PAIP2: variants seen among roughly 807,000 people sequenced by gnomAD.
PAIP2 encodes the protein poly(A) binding protein interacting protein 2.
PAIP2 carries 7 observed loss-of-function variants against 14.8 expected under a neutral mutation model. The observed-to-expected ratio is 0.47, with a 90% CI of 0.27 to 0.89. PAIP2 has a LOEUF of 0.89. Ranked by LOEUF, PAIP2 falls within the 40% of genes least tolerant of loss-of-function variation. The probability of loss-of-function intolerance (pLI) is 0.13; values close to 1 mark genes in which losing one functional copy is unlikely to be tolerated. For missense variants in PAIP2, 122 were observed against 154.7 expected (o/e 0.79, Z 1.12); for synonymous variants, 47 against 45.3 (o/e 1.04, Z -0.15).
chr5:139,358,273 C>T (rs1478502071), intron 1 of PAIP2, among the ~76,000 whole-genome samples: 1 of 152,198 alleles, frequency 6.6e-6, no homozygotes, highest in Non-Finnish European at 1.5e-5. Context: ...CCTACATCCA[C>T]AGGACTTGTG....
intron 1 of PAIP2, among the ~76,000 whole-genome samples, chr5:139,355,720 G>A (rs1189326496): frequency 1.3e-5 from 2 of 152,034 alleles, no homozygotes; most frequent in Non-Finnish European, 2.9e-5. Context: ...AATTGGGTGT[G>A]GTGGCGGGCG....
intron 1 of PAIP2, among the ~76,000 whole-genome samples, chr5:139,349,398 A>C (rs962364418): frequency 2.6e-5 from 4 of 151,994 alleles, no homozygotes; most frequent in Non-Finnish European, 5.9e-5. Context: ...ACAAGCTCAC[A>C]CCACCATGCC....
chr5:139,363,863 G>C lies in PAIP2; in HGVS notation c.79G>C (p.Asp27His), dbSNP rs1757144191. 1 of 1,613,510 alleles carries C rather than the reference G, an allele frequency of 6.2e-7. No individual in the cohort carries two copies. The highest frequency in any genetic ancestry group is 8.5e-7 in the Non-Finnish European group (1 of 1,179,408). ...DVIINGHSHE[D>H]DNPFAEYMWM... ...GATTATTAACGGTCATTCTCATGAA[G>C]ATGACAATCCATTTGCAGAGTACAT... Residue 27 changes from aspartate to histidine, a missense_variant, in exon 2 of 4, where the codon GAT becomes CAT. Transcript: ENST00000265192.
At chr5:139,344,847 A>G (rs557368153) in intron 1 of PAIP2, among the ~76,000 whole-genome samples, 1 of 152,152 alleles carries the variant, frequency 6.6e-6, no homozygotes, top group Admixed American at 6.6e-5. Context: ...CCCTTGGTCT[A>G]GAGACCTTTA....
At chr5:139,362,163 TTTTCATCA>T (rs1227892950) in intron 1 of PAIP2, among the ~76,000 whole-genome samples, 3 of 152,158 alleles carry the variant, frequency 2.0e-5, no homozygotes, top group African/African-American at 7.2e-5. Context: ...TTGAATTTGC[TTTTCATCA>T]TTTCATCACT....
chr5:139,360,420 T>TTATC (rs1316227268), intron 1 of PAIP2, among the ~76,000 whole-genome samples: 1 of 152,182 alleles, frequency 6.6e-6, no homozygotes, highest in Non-Finnish European at 1.5e-5. Context: ...ACAAATCATA[T>TTATC]TATCATATTT....
At chr5:139,342,180 G>A (rs1756399066) in intron 1 of PAIP2, among the ~76,000 whole-genome samples, 200 bp downstream of exon 1, 1 of 152,084 alleles carries the variant, frequency 6.6e-6, no homozygotes, top group African/African-American at 2.4e-5. Flanking sequence ...TCCGAGACAT[G>A]GCCGTCGCTT....
rs535582694 is a variant in PAIP2, at chr5:139,364,781, A to C, written c.318+38A>C. On this transcript the variant is annotated intron_variant, in intron 3 of 3. Transcript: ENST00000265192. ...TTTTCATCTTTTTAAAACCTAGTGCATCTTTTGCATAAGTGGAAAAGCCAG... is the reference window on the plus strand; with the variant it reads ...TTTTCATCTTTTTAAAACCTAGTGCCTCTTTTGCATAAGTGGAAAAGCCAG... 63 of 1,353,658 alleles carry C rather than the reference A, an allele frequency of 4.7e-5. No individual in the cohort carries two copies. In the Admixed American group the frequency reaches 9.9e-4, roughly 21 times the overall value. The allele number at this position is 1,353,658 out of a possible 1,614,324, so 83.9% of individuals were successfully genotyped here.
chr5:139,343,569 C>T (rs914175015), intron 1 of PAIP2, among the ~76,000 whole-genome samples: 7 of 152,160 alleles, frequency 4.6e-5, no homozygotes, highest in African/African-American at 1.4e-4. Context: ...TTGGTTGATA[C>T]TGTGGGAGAT....
intron 1 of PAIP2, among the ~76,000 whole-genome samples, chr5:139,352,976 C>T (rs966106987): frequency 4.6e-5 from 7 of 151,568 alleles, no homozygotes; most frequent in Admixed American, 1.3e-4. Flanking sequence ...GTTAGCCGGG[C>T]GTGGTGGAGC....
chr5:139,363,014 G>A (rs890740847), intron 1 of PAIP2, among the ~76,000 whole-genome samples: 2 of 152,096 alleles, frequency 1.3e-5, no homozygotes, highest in African/African-American at 2.4e-5. Flanking sequence ...GCCAAGGCAG[G>A]CAGATCATCT....
Position 139,368,736 on chromosome 5 carries a change from A to C in PAIP2, c.322A>C (p.Lys108Gln). The change falls in exon 4 of 4, where the codon AAG (lysine) becomes CAG (glutamine). Residue 108 changes from lysine to glutamine, a missense_variant. By Grantham distance (53) the Lys-to-Gln change is moderately conservative. Coordinates refer to ENST00000265192, the MANE Select transcript of PAIP2 (RefSeq NM_016480.5). Reference protein sequence around the residue: ...DGSSLEDLVVKSNLNPNAKEF... With the variant: ...DGSSLEDLVVQSNLNPNAKEF... ...TTTTTATGTACTTATTTTCCAGGTC[A>C]AGAGCAATCTGAATCCAAATGCAAA... is the stretch of plus-strand genomic sequence containing the variant. The C allele has an allele frequency of 6.2e-7, 1 of 1,612,376 alleles. No individual in the cohort carries two copies. Among genetic ancestry groups the C allele is most frequent in the Non-Finnish European group, 8.5e-7 (1 of 1,178,570 alleles).
chr5:139,342,030 G>A (rs1353770057), intron 1 of PAIP2, 50 bp downstream of exon 1: 1 of 152,692 alleles, frequency 6.5e-6, no homozygotes, highest in Non-Finnish European at 1.5e-5. Context: ...GAGGTCGAGG[G>A]ACAGCAAGTC....
At chr5:139,342,623 G>A (rs1203200119) in intron 1 of PAIP2, 1 of 152,156 alleles carries the variant, frequency 6.6e-6, no homozygotes, top group African/African-American at 2.4e-5. Flanking sequence ...TGGGGTACTG[G>A]GAACCCTTAC....
chr5:139,363,829 T>G lies in PAIP2; in HGVS notation c.45T>G (p.Asn15Lys), dbSNP rs763200663. 5.6e-6 allele frequency: 9 copies of G among 1,614,094 alleles called. No individual in the cohort carries two copies. The South Asian group carries it at 8.8e-5, about 16-fold the overall frequency. Residue 15 changes from asparagine (N) to lysine (K), a missense_variant, in exon 2 of 4, where the codon AAT becomes AAG. Coordinates refer to ENST00000265192, the MANE Select transcript of PAIP2 (RefSeq NM_016480.5). ...SRSSTSPSII[N>K]EDVIINGHSH... Reference sequence around the variant, plus strand: ...GCAGTACTAGCCCAAGCATCATCAATGAAGATGTGATTATTAACGGTCATT... The same window carrying G: ...GCAGTACTAGCCCAAGCATCATCAAGGAAGATGTGATTATTAACGGTCATT...
intron 1 of PAIP2, among the ~76,000 whole-genome samples, chr5:139,355,283 C>T (rs1044760361): frequency 6.6e-6 from 1 of 150,478 alleles, no homozygotes; most frequent in Admixed American, 6.7e-5. Flanking sequence ...GATTCTCCTG[C>T]CTCAGCCTCC....
At chr5:139,356,712 C>T (rs1384098467) in intron 1 of PAIP2, among the ~76,000 whole-genome samples, 1 of 151,666 alleles carries the variant, frequency 6.6e-6, no homozygotes, top group East Asian at 2.0e-4. Flanking sequence ...GGTGAAACCC[C>T]GTCTCTACTA....
chr5:139,355,850 C>T (rs1756893415), intron 1 of PAIP2, among the ~76,000 whole-genome samples: 1 of 150,954 alleles, frequency 6.6e-6, no homozygotes, highest in South Asian at 2.1e-4. Flanking sequence ...CAGGGAGACT[C>T]AGTCTCAAAA....
intron 1 of PAIP2, among the ~76,000 whole-genome samples, chr5:139,362,405 GT>G (rs554669690): frequency 0.013 from 962 of 73,944 alleles, 5 homozygotes; most frequent in African/African-American, 0.04. Flanking sequence ...GTTTTTGGGT[GT>G]TTTTTTTTTT....
Sources: allele counts gnomAD v4.1 joint callset (sites outside exome capture counted in the v4.1 genomes callset), GRCh38; gene constraint gnomAD v4.1.1; transcripts MANE v1.5; gene names NCBI Gene and HGNC (gene_info 2026-07-23, HGNC 2026-07-21).